Variants in CFAP45 observed in about 807,000 individuals in gnomAD.
CFAP45 encodes the protein cilia- and flagella-associated protein 45.
In CFAP45, 43 loss-of-function variants were observed where a neutral mutation model predicts 75.6. That is an observed-to-expected ratio of 0.57 (90% CI 0.45 to 0.73). The LOEUF is 0.73. Ranked by LOEUF, CFAP45 falls within the 30% of genes least tolerant of loss-of-function variation. The probability of loss-of-function intolerance (pLI) is 0.00; values close to 1 mark genes in which losing one functional copy is unlikely to be tolerated. For synonymous variants in CFAP45, 223 were observed against 244.6 expected, an observed-to-expected ratio of 0.91 and a Z score of 0.82; for missense variants, 689 against 701.5, an observed-to-expected ratio of 0.98 and a Z score of 0.20.
At chr1:159,881,492 C>T (rs1384816913) in intron 7 of CFAP45, among the ~76,000 whole-genome samples, 1 of 152,192 alleles carries the variant, frequency 6.6e-6, no homozygotes, top group Non-Finnish European at 1.5e-5. Flanking sequence ...TCGCTCTGCC[C>T]CAGTTACAGG....
At chr1:159,899,423 ACAGGTACCACGACC>A (rs1213113336) in intron 1 of CFAP45, among the ~76,000 whole-genome samples, 2 of 151,038 alleles carry the variant, frequency 1.3e-5, no homozygotes, top group African/African-American at 4.9e-5. Context: ...TAGTGGCAAA[ACAGGTACCACGACC>A]CATTATCTGG....
intron 1 of CFAP45, among the ~76,000 whole-genome samples, chr1:159,897,425 A>C (rs763209781): frequency 6.6e-6 from 1 of 152,000 alleles, no homozygotes; most frequent in Non-Finnish European, 1.5e-5. Context: ...TCTACAAAAA[A>C]TACAAAAATT....
chr1:159,889,602 C>A (rs4656856), intron 3 of CFAP45, among the ~76,000 whole-genome samples: 1 of 152,108 alleles, frequency 6.6e-6, no homozygotes, highest in Non-Finnish European at 1.5e-5. Flanking sequence ...TGTCCTCCAA[C>A]GTGTTTTCAG....
chr1:159,888,344 T>A lies in CFAP45; in HGVS notation c.417+8A>T, dbSNP rs1429202896. On this transcript the variant is annotated splice_region_variant and intron_variant, in intron 4 of 11. Coordinates refer to ENST00000368099, the MANE Select transcript of CFAP45 (RefSeq NM_012337.3). The stretch of plus-strand genomic sequence containing the variant: ...CTGCAGAGGTGAAGGCTTAGGGAGG[T>A]TAACTACCATGGTGGCTTCCTTCTC... 1.9e-6 allele frequency: 3 copies of A among 1,613,770 alleles called. No homozygotes were observed. Among genetic ancestry groups the A allele is most frequent in the African/African-American group, 1.3e-5 (1 of 75,002 alleles).
chr1:159,886,369 T>C (rs978874309), intron 6 of CFAP45, 142 bp downstream of exon 6: 10 of 760,342 alleles, frequency 1.3e-5, no homozygotes, highest in Admixed American at 2.5e-5. Context: ...TGTGATTCTA[T>C]GTATCACTTC....
chr1:159,877,110 CT>C (rs1201342781), intron 9 of CFAP45, among the ~76,000 whole-genome samples: 1 of 152,204 alleles, frequency 6.6e-6, no homozygotes, highest in African/African-American at 2.4e-5. Context: ...GTTGAAAGTT[CT>C]TCTTTATGGA....
chr1:159,886,775 T>C, intron 5 of CFAP45, 86 bp from the exon 6 acceptor site: 1 of 1,105,168 alleles, frequency 9.0e-7, no homozygotes, highest in Non-Finnish European at 1.4e-6. Context: ...GCTATACTGC[T>C]GAGCATGCTG....
chr1:159,897,974 C>G, intron 1 of CFAP45: 1 of 286,332 alleles, frequency 3.5e-6, no homozygotes, highest in African/African-American at 2.3e-5. Flanking sequence ...TAGAATAGGT[C>G]AGTGTGAAGT....
Position 159,887,118 on chromosome 1 carries a change from G to C in CFAP45, c.589-429C>G, listed in dbSNP as rs76537418. On this transcript the variant is annotated intron_variant, in intron 5 of 11. Coordinates refer to ENST00000368099, the MANE Select transcript of CFAP45 (RefSeq NM_012337.3). Reference sequence around the variant, plus strand: ...AGGTTGGACCCCTTGTTCTCCTCAGGGGAGCTAAGACACTCTTGCAGAGGC... The same window carrying C: ...AGGTTGGACCCCTTGTTCTCCTCAGCGGAGCTAAGACACTCTTGCAGAGGC... Among the ~76,000 whole-genome samples the C allele has an allele frequency of 1.9e-3, 283 of 152,240 alleles. 2 individuals carry two copies. Among genetic ancestry groups the C allele is most frequent in the African/African-American group, 6.1e-3 (255 of 41,520 alleles).
intron 1 of CFAP45, among the ~76,000 whole-genome samples, chr1:159,896,975 C>T (rs1296218877): frequency 3.3e-5 from 5 of 152,136 alleles, no homozygotes; most frequent in African/African-American, 7.2e-5. Flanking sequence ...CTGTAAGAAA[C>T]GCATAAGGCT....
intron 10 of CFAP45, 100 bp from the exon 11 acceptor site, chr1:159,873,268 G>T: frequency 1.1e-6 from 1 of 909,986 alleles, no homozygotes; most frequent in Non-Finnish European, 1.7e-6. Flanking sequence ...CAGTAGACAT[G>T]CCTCAGAGAC....
intron 6 of CFAP45, among the ~76,000 whole-genome samples, chr1:159,885,079 G>C (rs774685774): frequency 2.0e-5 from 3 of 152,120 alleles, no homozygotes; most frequent in Non-Finnish European, 4.4e-5. Flanking sequence ...TGGAAGAACG[G>C]GAGAAGACAC....
chr1:159,872,438 G>T lies in CFAP45; in HGVS notation c.*47C>A. On this transcript the variant is annotated 3_prime_UTR_variant, in exon 12 of 12. Coordinates refer to ENST00000368099, the MANE Select transcript of CFAP45 (RefSeq NM_012337.3). ...GCAATTATGGATGCCCAGAGACTGG[G>T]CAGAATCTGTCCCCCGAAGGCATCC... The T allele has an allele frequency of 7.1e-7, 1 of 1,414,232 alleles. No homozygotes were observed. The highest frequency in any genetic ancestry group is 1.0e-6 in the Non-Finnish European group (1 of 997,656). The allele number at this position is 1,414,232 out of a possible 1,614,324, so 87.6% of individuals were successfully genotyped here. A position where few individuals can be genotyped will look rare whatever the true frequency, so the allele number is the denominator to read the frequency against.
At position 159,893,181 on chromosome 1, in the gene CFAP45, T is replaced by C. The variant is rs1441301343; in HGVS notation, c.128A>G (p.Lys43Arg). ...TTGAAAGGACTTGTTGAGGATTACC[T>C]TGATATCTCCAAAGAGGCTCTCATC... ...EVDESLFGDIKSPAQGQSDSP... is the reference protein window; with the variant it reads ...EVDESLFGDIRSPAQGQSDSP... The change falls in exon 2 of 12, where the codon AAG becomes AGG. Residue 43 changes from lysine to arginine, a missense_variant and splice_region_variant. Physicochemically the swap from Lys to Arg is conservative, Grantham distance 26. Coordinates refer to ENST00000368099, the MANE Select transcript of CFAP45 (RefSeq NM_012337.3). 7 of 1,613,686 alleles carry C rather than the reference T, an allele frequency of 4.3e-6. No homozygotes were observed. The African/African-American group carries it at 8.0e-5, about 18-fold the overall frequency.
At chr1:159,878,782 A>AAAAAAAAAAAAAAAAAAAAT (rs1649476344) in intron 8 of CFAP45, among the ~76,000 whole-genome samples, 1 of 141,392 alleles carries the variant, frequency 7.1e-6, no homozygotes, top group Non-Finnish European at 1.5e-5. Flanking sequence ...AAAAAAAAAA[A>AAAAAAAAAAAAAAAAAAAAT]CCTTCCTTGC....
rs116733603 is a variant in CFAP45, at chr1:159,882,755, A to G, written c.897+1681T>C. ...TAGAACTTCCTCAGTGAGCCCACTA[A>G]TTCCCACTCCCCACATCTAGTTGGA... On this transcript the variant is annotated intron_variant, in intron 7 of 11. Coordinates refer to ENST00000368099, the MANE Select transcript of CFAP45 (RefSeq NM_012337.3). 9.0e-3 allele frequency among the ~76,000 whole-genome samples: 1,367 copies of G among 152,206 alleles called. 18 individuals carry two copies. Among genetic ancestry groups the G allele is most frequent in the African/African-American group, 0.031 (1,290 of 41,502 alleles).
chr1:159,898,689 TAA>T (rs1270433966), intron 1 of CFAP45, among the ~76,000 whole-genome samples: 1 of 152,216 alleles, frequency 6.6e-6, no homozygotes, highest in East Asian at 1.9e-4. Flanking sequence ...AGGAAATTTT[TAA>T]AAGAGGACAA....
chr1:159,888,277 C>T, intron 4 of CFAP45, 75 bp downstream of exon 4: 1 of 1,475,574 alleles, frequency 6.8e-7, no homozygotes. Flanking sequence ...TTCAGGGTCC[C>T]CTGATGAGAG....
At chr1:159,887,561 C>T (rs550644890) in intron 5 of CFAP45, among the ~76,000 whole-genome samples, 1 of 152,370 alleles carries the variant, frequency 6.6e-6, no homozygotes, top group South Asian at 2.1e-4. Flanking sequence ...TTATTTCATC[C>T]TGCCAATGAT....
Sources: gnomAD v4.1 joint callset for allele counts (sites outside exome capture counted in the v4.1 genomes callset) on GRCh38, gnomAD v4.1.1 for gene constraint, MANE v1.5 for transcripts, NCBI Gene and HGNC (gene_info 2026-07-23, HGNC 2026-07-21) for gene names.